Variants in DCDC2 observed in about 807,000 individuals in gnomAD.
DCDC2 encodes doublecortin domain containing 2, also known as doublecortin domain-containing protein 2.
Under a neutral mutation model 50.2 loss-of-function variants are expected in DCDC2, and 40 were observed. That is an observed-to-expected ratio of 0.80 (90% confidence interval 0.62 to 1.04). The LOEUF (loss-of-function observed/expected upper bound fraction) is 1.04, where lower values mean the gene tolerates loss of function less well. Among genes scored for constraint, DCDC2 ranks in the 50% least tolerant of loss-of-function variants. DCDC2 has a pLI of 0.00. For missense variants in DCDC2, 570 were observed against 581.9 expected, an observed-to-expected ratio of 0.98 and a Z score of 0.21; for synonymous variants, 234 against 210.6, an observed-to-expected ratio of 1.11 and a Z score of -0.96.
Position 24,299,051 on chromosome 6 carries a change from G to A in DCDC2, c.557+2664C>T, listed in dbSNP as rs148700466. On this transcript the variant is annotated intron_variant, in intron 4 of 9. Coordinates refer to ENST00000378454, the MANE Select transcript of DCDC2 (RefSeq NM_016356.5). ...AGCATGCACTGGTACGTTCACTGCC[G>A]TGCTATTCACAATAGCAAAGATGTG... Among the ~76,000 whole-genome samples the A allele has an allele frequency of 7.7e-3, 1,166 of 152,268 alleles. 3 individuals are homozygous for A. The highest frequency in any genetic ancestry group is 0.012 in the African/African-American group (508 of 41,546).
chr6:24,299,467 T>G (rs1759326990), intron 4 of DCDC2, among the ~76,000 whole-genome samples: 1 of 152,204 alleles, frequency 6.6e-6, no homozygotes, highest in African/African-American at 2.4e-5. Context: ...ATGTATTCCC[T>G]GAACCTAAAA....
rs1041106151 is a variant in DCDC2 at position 24,301,781 on chromosome 6, T to C, written c.491A>G (p.Asn164Ser). 1.9e-6 allele frequency: 3 copies of C among 1,614,188 alleles called. No homozygotes were observed. The highest frequency in any genetic ancestry group is 2.2e-5 in the East Asian group (1 of 44,876). ...SRLLIPRKTL[N>S]QWDHVLQMVT... ...CATTTGTAGTACATGATCCCACTGA[T>C]TCAAGGTTTTTCTGGGGATAAGGAG... The change falls in exon 4 of 10, where the codon AAT becomes AGT. Residue 164 changes from asparagine (N) to serine (S), a missense_variant. Asn to Ser is a conservative substitution (Grantham distance 46). Transcript: ENST00000378454.
upstream of DCDC2, among the ~76,000 whole-genome samples, chr6:24,358,824 ATT>A (rs1760543103): frequency 1.9e-5 from 1 of 53,166 alleles, no homozygotes; most frequent in South Asian, 4.6e-4. Context: ...AAATATATAT[ATT>A]ATATTTATAT....
intron 7 of DCDC2, among the ~76,000 whole-genome samples, chr6:24,276,037 T>A (rs952069140): frequency 2.0e-5 from 3 of 151,544 alleles, no homozygotes; most frequent in African/African-American, 7.3e-5. Flanking sequence ...GCCCCACTAA[T>A]TTTTTTTATT....
intron 7 of DCDC2, among the ~76,000 whole-genome samples, chr6:24,252,939 A>G (rs968463250): frequency 1.3e-5 from 2 of 152,224 alleles, no homozygotes; most frequent in African/African-American, 4.8e-5. Flanking sequence ...GCCATTCTAA[A>G]TAACCCGGGG....
At chr6:24,284,506 G>C (rs188336900) in intron 6 of DCDC2, among the ~76,000 whole-genome samples, 36 of 151,726 alleles carry the variant, frequency 2.4e-4, no homozygotes, top group African/African-American at 8.2e-4. Flanking sequence ...CAGCTACTCG[G>C]GAGGCTGAGG....
chr6:24,295,270 C>G (rs770218298), intron 4 of DCDC2, among the ~76,000 whole-genome samples: 1 of 152,160 alleles, frequency 6.6e-6, no homozygotes, highest in Non-Finnish European at 1.5e-5. Context: ...TAAAATTCAA[C>G]ATCCCTTCAA....
At chr6:24,292,131 A>G (rs1157655809) in intron 4 of DCDC2, among the ~76,000 whole-genome samples, 1 of 152,232 alleles carries the variant, frequency 6.6e-6, no homozygotes, top group Non-Finnish European at 1.5e-5. Context: ...TTATTAAAAG[A>G]ACAGTCATAA....
In DCDC2 at chr6:24,278,036, A is replaced by G. The variant is rs1382768755; in HGVS notation, c.922+13T>C. On this transcript the variant is annotated intron_variant, in intron 7 of 9. Transcript: ENST00000378454. ...ATTGTATCACAGCCTTAAGATAATA[A>G]TAACACACTTACCACTATTTGGAAT... 2 of 1,594,740 alleles carry G rather than the reference A, an allele frequency of 1.3e-6. No individual in the cohort carries two copies. The highest frequency in any genetic ancestry group is 1.1e-5 in the South Asian group (1 of 89,114).
chr6:24,327,812 A>T (rs1177764139), intron 2 of DCDC2, among the ~76,000 whole-genome samples: 1 of 152,150 alleles, frequency 6.6e-6, no homozygotes, highest in Non-Finnish European at 1.5e-5. Flanking sequence ...GAGTGTTACT[A>T]GTAAACAAAA....
intron 2 of DCDC2, among the ~76,000 whole-genome samples, chr6:24,303,643 A>G (rs1664621112): frequency 6.6e-6 from 1 of 152,196 alleles, no homozygotes; most frequent in Admixed American, 6.5e-5. Context: ...GAAAACTTAC[A>G]AACAACACTA....
the DCDC2 span, among the ~76,000 whole-genome samples, chr6:24,367,938 G>T: frequency 6.6e-6 from 1 of 151,934 alleles, no homozygotes; most frequent in African/African-American, 2.4e-5. Context: ...AAGAACAAAA[G>T]ACTTTTAAAA....
At chr6:24,335,577 C>A (rs1264271966) in intron 2 of DCDC2, among the ~76,000 whole-genome samples, 17 of 152,112 alleles carry the variant, frequency 1.1e-4, no homozygotes, top group Admixed American at 2.0e-4. Context: ...CAGCCTATTG[C>A]AGCCAAGCCC....
At chr6:24,348,661 A>C (rs922537313) in intron 2 of DCDC2, among the ~76,000 whole-genome samples, 1 of 152,190 alleles carries the variant, frequency 6.6e-6, no homozygotes, top group Non-Finnish European at 1.5e-5. Flanking sequence ...ACTTTCTCAA[A>C]ACTTTGATCT....
intron 7 of DCDC2, among the ~76,000 whole-genome samples, chr6:24,222,088 C>T (rs1173093815): frequency 1.4e-5 from 2 of 145,342 alleles, no homozygotes; most frequent in Non-Finnish European, 3.0e-5. Flanking sequence ...ACTTTGAGCT[C>T]ATCTGGGGAA....
At chr6:24,357,426 A>G (rs775032944) in intron 1 of DCDC2, 32 bp downstream of exon 1, 91 of 1,567,724 alleles carry the variant, frequency 5.8e-5, no homozygotes, top group Non-Finnish European at 7.7e-5. Context: ...TAGGGCACCT[A>G]AATGGGTGGG....
At chr6:24,217,542 A>AAAT (rs1259937248) in intron 7 of DCDC2, among the ~76,000 whole-genome samples, 1 of 152,134 alleles carries the variant, frequency 6.6e-6, no homozygotes, top group East Asian at 1.9e-4. Context: ...GTAAATGTGC[A>AAAT]AATCAGTGCA....
At chr6:24,292,647 C>T (rs567029923) in intron 4 of DCDC2, among the ~76,000 whole-genome samples, 1 of 152,326 alleles carries the variant, frequency 6.6e-6, no homozygotes, top group East Asian at 1.9e-4. Flanking sequence ...GCAAGAGGAT[C>T]GCTTGAGCCC....
chr6:24,351,425 A>C (rs1370852066), intron 2 of DCDC2, among the ~76,000 whole-genome samples: 3 of 152,214 alleles, frequency 2.0e-5, no homozygotes, highest in African/African-American at 7.2e-5. Context: ...GATGCGGGAA[A>C]GAGCATGGAC....
Sources: allele counts gnomAD v4.1 joint callset (sites outside exome capture counted in the v4.1 genomes callset), GRCh38; gene constraint gnomAD v4.1.1; transcripts MANE v1.5; gene names NCBI Gene and HGNC (gene_info 2026-07-23, HGNC 2026-07-21).